Variants in COMMD8 observed in about 807,000 individuals in gnomAD.
COMMD8 encodes COMM domain-containing protein 8.
COMMD8 carries 28 observed loss-of-function variants against 27.2 expected under a neutral mutation model. That is an observed-to-expected ratio of 1.03 (90% confidence interval 0.76 to 1.41). The LOEUF (loss-of-function observed/expected upper bound fraction) is 1.41, where lower values mean the gene tolerates loss of function less well. Among genes scored for constraint, COMMD8 ranks in the 40% most tolerant of loss-of-function variants. The pLI is 0.00. For missense variants in COMMD8, 217 were observed against 211.2 expected (o/e 1.03, Z -0.17); for synonymous variants, 79 against 75.5 (o/e 1.05, Z -0.24).
At chr4:47,459,965 T>TGAAAACAAAAACA in intron 2 of COMMD8, 179 bp downstream of exon 2, 1 of 480,114 alleles carries the variant, frequency 2.1e-6, no homozygotes, top group Non-Finnish European at 3.6e-6. Context: ...CACAAAAGAG[T>TGAAAACAAAAACA]AAAAACAACC....
At chr4:47,456,292 ATATAT>A (rs1306942926) in intron 3 of COMMD8, among the ~76,000 whole-genome samples, 1 of 141,678 alleles carries the variant, frequency 7.1e-6, no homozygotes, top group Non-Finnish European at 1.6e-5. Flanking sequence ...ATATATATAT[ATATAT>A]ATATGTATAT....
intron 2 of COMMD8, among the ~76,000 whole-genome samples, chr4:47,458,210 G>C (rs1032712062): frequency 6.6e-6 from 1 of 151,942 alleles, no homozygotes; most frequent in Admixed American, 6.6e-5. Context: ...GTTAGGAATA[G>C]ATATATATCT....
intron 3 of COMMD8, among the ~76,000 whole-genome samples, chr4:47,455,479 TGTGTCACA>T (rs1016801218): frequency 6.6e-6 from 1 of 152,244 alleles, no homozygotes; most frequent in African/African-American, 2.4e-5. Context: ...TTTTGAACTT[TGTGTCACA>T]TTATACACTT....
intron 3 of COMMD8, among the ~76,000 whole-genome samples, chr4:47,454,059 T>C (rs1006940487): frequency 6.6e-6 from 1 of 152,212 alleles, no homozygotes; most frequent in African/African-American, 2.4e-5. Flanking sequence ...ATATCTCAGA[T>C]CTGGAAGTAT....
In COMMD8 at chr4:47,451,501, T is replaced by A. The variant is rs2109352148; in HGVS notation, c.*144A>T. 1 of 640,820 alleles carries A rather than the reference T, an allele frequency of 1.6e-6. No individual in the cohort carries two copies. Among genetic ancestry groups the A allele is most frequent in the East Asian group, 3.3e-5 (1 of 30,546 alleles). 39.7% of individuals were successfully genotyped at this position (640,820 alleles called of 1,614,324 possible). On this transcript the variant is annotated 3_prime_UTR_variant, in exon 5 of 5. Coordinates refer to ENST00000381571, the MANE Select transcript of COMMD8 (RefSeq NM_017845.5). The stretch of plus-strand genomic sequence containing the variant: ...TCCTGTTAAGGAATGTTGATAAATT[T>A]TTATCTTTATAATATCAATATTGCT...
At position 47,463,571 on chromosome 4, in the gene COMMD8, G is replaced by A. The variant is rs758717461; in HGVS notation, c.66+15C>T. On this transcript the variant is annotated intron_variant, in intron 1 of 4. Coordinates refer to ENST00000381571, the MANE Select transcript of COMMD8 (RefSeq NM_017845.5). ...TCCCAGGCCCCGCGCCGCTTCCCCCGGTACCCGCCCTCACCTGCGGGCCCA... is the reference window on the plus strand; with the variant it reads ...TCCCAGGCCCCGCGCCGCTTCCCCCAGTACCCGCCCTCACCTGCGGGCCCA... The A allele has an allele frequency of 7.3e-5, 112 of 1,541,498 alleles. No individual in the cohort carries two copies. The highest frequency in any genetic ancestry group is 9.0e-5 in the Non-Finnish European group (103 of 1,145,372).
At chr4:47,458,669 T>A (rs185257076) in intron 2 of COMMD8, among the ~76,000 whole-genome samples, 353 of 152,218 alleles carry the variant, frequency 2.3e-3, no homozygotes, top group African/African-American at 8.3e-3. Context: ...AACTGAAAAG[T>A]TGATTCTAGA....
chr4:47,455,992 T>G (rs1003967225), intron 3 of COMMD8, among the ~76,000 whole-genome samples: 18 of 152,092 alleles, frequency 1.2e-4, no homozygotes, highest in African/African-American at 4.3e-4. Context: ...ACGCCTGTAA[T>G]CCCAGCACTC....
At chr4:47,463,510 G>C (rs1487409344) in intron 1 of COMMD8, 76 bp downstream of exon 1, 5 of 1,396,494 alleles carry the variant, frequency 3.6e-6, no homozygotes, top group Non-Finnish European at 4.9e-6. Context: ...CGTCCGGGTC[G>C]CACCCGGCCT....
At chr4:47,458,193 C>A (rs902378306) in intron 2 of COMMD8, among the ~76,000 whole-genome samples, 2 of 151,966 alleles carry the variant, frequency 1.3e-5, no homozygotes, top group Non-Finnish European at 2.9e-5. Flanking sequence ...AACACTTTCT[C>A]CCTAAGGTTA....
At chr4:47,457,141 C>CA (rs1029286980) in intron 2 of COMMD8, among the ~76,000 whole-genome samples, 4 of 151,944 alleles carry the variant, frequency 2.6e-5, no homozygotes, top group Non-Finnish European at 5.9e-5. Context: ...ATTGCAAAGT[C>CA]AAAAAAATCC....
rs556779144 is a variant in COMMD8, at chr4:47,462,208, T to C, written c.66+1378A>G. On this transcript the variant is annotated intron_variant, in intron 1 of 4. Coordinates refer to ENST00000381571, the MANE Select transcript of COMMD8 (RefSeq NM_017845.5). The stretch of plus-strand genomic sequence containing the variant: ...ATATTTGCTAACAGGTTGGAAGATG[T>C]AAGAGAGAGGGTGAGCCCAGATGCC... Among the ~76,000 whole-genome samples, 11 of 152,226 alleles carry C rather than the reference T, an allele frequency of 7.2e-5. No homozygotes were observed. In the East Asian group the frequency reaches 1.9e-3, roughly 27 times the overall value.
At position 47,456,601 on chromosome 4, in the gene COMMD8, T is replaced by G; in HGVS notation, c.351A>C (p.Leu117=). The G allele has an allele frequency of 6.2e-7, 1 of 1,607,788 alleles. No individual in the cohort carries two copies. Among genetic ancestry groups the G allele is most frequent in the Non-Finnish European group, 8.5e-7 (1 of 1,177,778 alleles). The change falls in exon 3 of 5, where the codon CTA becomes CTC. Residue 117 remains leucine (L), a synonymous_variant. Transcript: ENST00000381571. ...REIVAISSAQ[L]QDFDWQVKLA... ...CCTTTACCTGCCAATCAAAATCCTG[T>G]AGCTGTGCAGAGGAAATAGCAACTA...
Position 47,463,620 on chromosome 4 carries a change from C to T in COMMD8, c.32G>A (p.Arg11Gln), listed in dbSNP as rs1238893740. ...CAGCTCGGCCGGCAGCTTCTGCAGC[C>T]GCCACAAGGGCGTCCCCTCTTCCGG... MEPEEGTPLWRLQKLPAELGP... is the reference protein window; with the variant it reads MEPEEGTPLWQLQKLPAELGP... The change falls in exon 1 of 5, where the codon CGG (arginine) becomes CAG (glutamine). Residue 11 changes from arginine to glutamine, a missense_variant. Physicochemically the swap from Arg to Gln is conservative, Grantham distance 43. Transcript: ENST00000381571. 1.0e-5 allele frequency: 16 copies of T among 1,548,532 alleles called. 1 individual carries two copies. In the Middle Eastern group the frequency reaches 5.4e-4, roughly 52 times the overall value.
Position 47,451,395 on chromosome 4 carries a change from G to T in COMMD8, c.*250C>A. ...ATTTCTCAAATATTTAATAAATGAG[G>T]CAAAACAATCATGAAAATATAAACT... is the stretch of plus-strand genomic sequence containing the variant. On this transcript the variant is annotated 3_prime_UTR_variant, in exon 5 of 5. Transcript: ENST00000381571. The T allele has an allele frequency of 2.5e-6, 1 of 393,090 alleles. No homozygotes were observed. The highest frequency in any genetic ancestry group is 4.5e-6 in the Non-Finnish European group (1 of 221,682). The allele number at this position is 393,090 out of a possible 1,614,324, so 24.4% of individuals were successfully genotyped here. A position where few individuals can be genotyped will look rare whatever the true frequency, so the allele number is the denominator to read the frequency against.
chr4:47,461,512 C>T (rs1385262195), intron 1 of COMMD8, among the ~76,000 whole-genome samples: 2 of 151,596 alleles, frequency 1.3e-5, no homozygotes, highest in Non-Finnish European at 2.9e-5. Context: ...CTATACTGTC[C>T]CCATGCTAAA....
intron 2 of COMMD8, 125 bp from the exon 3 acceptor site, chr4:47,456,854 A>G (rs1729907978): frequency 1.5e-6 from 1 of 677,758 alleles, no homozygotes; most frequent in South Asian, 2.4e-5. Context: ...GTAACTATAA[A>G]AAAGAGTAAG....
chr4:47,458,855 A>C (rs1729953226), intron 2 of COMMD8, among the ~76,000 whole-genome samples: 1 of 152,100 alleles, frequency 6.6e-6, no homozygotes, highest in East Asian at 1.9e-4. Flanking sequence ...AAGAGTTGAG[A>C]TACAGAGGCA....
chr4:47,460,222 T>A lies in COMMD8; in HGVS notation c.144A>T (p.Ser48=), dbSNP rs1158613876. 6.2e-7 allele frequency: 1 copy of A among 1,613,488 alleles called. No homozygotes were observed. The highest frequency in any genetic ancestry group is 8.5e-7 in the Non-Finnish European group (1 of 1,179,710). Residue 48 remains serine, a synonymous_variant, in exon 2 of 5, where the codon TCA becomes TCT. Transcript: ENST00000381571. ...VYQDYHTVWE[S]EEWMHVLEDI... ...CTTCTAAAACGTGCATCCATTCTTCTGATTCCCAAACAGTGTGATAATCTT... is the reference window on the plus strand; with the variant it reads ...CTTCTAAAACGTGCATCCATTCTTCAGATTCCCAAACAGTGTGATAATCTT...
Sources: gnomAD v4.1 joint callset for allele counts (sites outside exome capture counted in the v4.1 genomes callset) on GRCh38, gnomAD v4.1.1 for gene constraint, MANE v1.5 for transcripts, NCBI Gene and HGNC (gene_info 2026-07-23, HGNC 2026-07-21) for gene names.